Variants in ZNF652 observed in about 807,000 individuals in gnomAD.
The protein encoded by ZNF652 is zinc finger protein 652.
ZNF652 carries 16 observed loss-of-function variants against 45.2 expected under a neutral mutation model. That is an observed-to-expected ratio of 0.35 (90% CI 0.24 to 0.54). ZNF652 has a LOEUF of 0.54. ZNF652 is among the 20% of genes least tolerant of loss of function. The pLI, the probability that ZNF652 is intolerant of heterozygous loss-of-function variation, is 0.91. For synonymous variants in ZNF652, 250 were observed against 260.6 expected (o/e 0.96, Z 0.39); for missense variants, 614 against 765.6 (o/e 0.80, Z 2.34).
intron 1 of ZNF652, among the ~76,000 whole-genome samples, chr17:49,339,196 A>ATTTTTTTTTTTTTTTT (rs766243923): frequency 9.8e-6 from 1 of 101,772 alleles, no homozygotes; most frequent in Non-Finnish European, 2.0e-5. Flanking sequence ...TGAGTTAGGA[A>ATTTTTTTTTTTTTTTT]ATTTTTTTTT....
intron 5 of ZNF652, among the ~76,000 whole-genome samples, chr17:49,305,756 TAAG>T (rs1370835302): frequency 6.6e-6 from 1 of 152,004 alleles, no homozygotes; most frequent in Non-Finnish European, 1.5e-5. Context: ...GTGCCTGGTA[TAAG>T]AAGAATCAGT....
intron 3 of ZNF652, among the ~76,000 whole-genome samples, chr17:49,312,326 C>T (rs1284381057): frequency 1.3e-5 from 2 of 151,882 alleles, no homozygotes; most frequent in Non-Finnish European, 2.9e-5. Context: ...CCACCACGCC[C>T]AGCTAATTTT....
chr17:49,350,883 T>C (rs2070263747), intron 1 of ZNF652, among the ~76,000 whole-genome samples: 1 of 149,592 alleles, frequency 6.7e-6, no homozygotes. Flanking sequence ...GGTAGGAGAA[T>C]TGCTTGAACC....
intron 5 of ZNF652, among the ~76,000 whole-genome samples, chr17:49,303,629 C>T (rs761452403): frequency 6.6e-6 from 1 of 152,128 alleles, no homozygotes; most frequent in Non-Finnish European, 1.5e-5. Context: ...AGCTCCCCTG[C>T]TCTGTGACTT....
At chr17:49,340,895 T>A (rs2070138330) in intron 1 of ZNF652, among the ~76,000 whole-genome samples, 1 of 152,006 alleles carries the variant, frequency 6.6e-6, no homozygotes, top group Admixed American at 6.6e-5. Flanking sequence ...TGAGACCCTG[T>A]CTCCACAACA....
chr17:49,315,458 CTT>C (rs1377956868), intron 2 of ZNF652, among the ~76,000 whole-genome samples: 1 of 151,200 alleles, frequency 6.6e-6, no homozygotes, highest in Non-Finnish European at 1.5e-5. Context: ...ATCCACAAAA[CTT>C]AAACACAAAT....
chr17:49,302,687 T>C (rs1043794554), intron 5 of ZNF652, among the ~76,000 whole-genome samples: 4 of 151,914 alleles, frequency 2.6e-5, no homozygotes, highest in African/African-American at 9.7e-5. Flanking sequence ...TGAGGACGGG[T>C]GTGGTGGCTC....
intron 1 of ZNF652, among the ~76,000 whole-genome samples, chr17:49,341,158 C>A (rs75438007): frequency 6.6e-6 from 1 of 151,930 alleles, no homozygotes; most frequent in African/African-American, 2.4e-5. Context: ...TTGCAGTGAG[C>A]TGAGAGTCGA....
rs143343959 is a variant in ZNF652, at chr17:49,312,227, G to A, written c.1049-185C>T. On this transcript the variant is annotated intron_variant, in intron 3 of 5. Transcript: ENST00000430262. ...GTCGCACAGGCCGGAGTGCAGTGGC[G>A]CAATCTTGGCTCACTGCAACCTCTG... Among the ~76,000 whole-genome samples the A allele has an allele frequency of 9.2e-3, 1,333 of 144,866 alleles. 21 individuals are homozygous for A. The highest frequency in any genetic ancestry group is 0.032 in the African/African-American group (1,258 of 38,800).
Position 49,312,744 on chromosome 17 carries a change from A to G in ZNF652, c.1002T>C (p.Cys334=). 3 of 1,614,172 alleles carry G rather than the reference A, an allele frequency of 1.9e-6. No individual in the cohort carries two copies. Among genetic ancestry groups the G allele is most frequent in the Non-Finnish European group, 2.5e-6 (3 of 1,180,004 alleles). ...YAEKKFSCEI[C]EKKFYTMAHV... ...GAGCCATGGTATAGAATTTCTTCTC[A>G]CAAATTTCACAGGAAAATTTCTTTT... The change falls in exon 3 of 6, where the codon TGT becomes TGC. Residue 334 remains cysteine, a synonymous_variant. Coordinates refer to ENST00000430262, the MANE Select transcript of ZNF652 (RefSeq NM_001145365.3).
intron 1 of ZNF652, among the ~76,000 whole-genome samples, chr17:49,354,774 G>A (rs138208830): frequency 7.9e-5 from 12 of 151,780 alleles, no homozygotes; most frequent in African/African-American, 2.9e-4. Flanking sequence ...CACCCAGGCT[G>A]GAGTGCAGTG....
Position 49,298,482 on chromosome 17 carries a change from A to G in ZNF652, c.1752T>C (p.His584=). ...PALFKSEPLN[H]RGQSEDNFLR... Reference sequence around the variant, plus strand: ...GAAAGTTGTCCTCACTCTGGCCTCTATGATTTAAAGGCTCACTCTTAAAGA... The same window carrying G: ...GAAAGTTGTCCTCACTCTGGCCTCTGTGATTTAAAGGCTCACTCTTAAAGA... Residue 584 remains histidine, a synonymous_variant, in exon 6 of 6, where the codon CAT becomes CAC. Transcript: ENST00000430262. 6.2e-7 allele frequency: 1 copy of G among 1,612,886 alleles called. No individual in the cohort carries two copies. The highest frequency in any genetic ancestry group is 8.5e-7 in the Non-Finnish European group (1 of 1,179,938).
chr17:49,295,440 C>A lies in ZNF652; in HGVS notation c.*2973G>T, dbSNP rs972754478. On this transcript the variant is annotated 3_prime_UTR_variant, in exon 6 of 6. Transcript: ENST00000430262. Reference sequence around the variant, plus strand: ...ATAATATATATATATATTTTTGTTTCTGTTAAGGATGGTGGTATTTGCTTA... The same window carrying A: ...ATAATATATATATATATTTTTGTTTATGTTAAGGATGGTGGTATTTGCTTA... The A allele has an allele frequency of 2.0e-5, 3 of 150,756 alleles. No individual in the cohort carries two copies. The highest frequency in any genetic ancestry group is 7.3e-5 in the African/African-American group (3 of 41,236). 9.3% of individuals were successfully genotyped at this position (150,756 alleles called of 1,614,324 possible).
rs889714217 is a variant in ZNF652 at position 49,344,812 on chromosome 17, C to T, written c.-259+17097G>A. 1.5e-4 allele frequency among the ~76,000 whole-genome samples: 23 copies of T among 152,216 alleles called. No homozygotes were observed. In the East Asian group the frequency reaches 3.5e-3, roughly 23 times the overall value. ...CTTGGATTACAGGCGTGAGCCACCA[C>T]GCTGGCCCATCAAAGCAAATTTTCT... On this transcript the variant is annotated intron_variant, in intron 1 of 5. Transcript: ENST00000430262.
intron 5 of ZNF652, among the ~76,000 whole-genome samples, chr17:49,309,691 T>A (rs1235049446): frequency 2.0e-5 from 3 of 152,212 alleles, no homozygotes; most frequent in Non-Finnish European, 4.4e-5. Context: ...TGTATCCTGC[T>A]ATCCACTTGG....
At chr17:49,337,074 T>C (rs1194700982) in intron 1 of ZNF652, among the ~76,000 whole-genome samples, 1 of 150,734 alleles carries the variant, frequency 6.6e-6, no homozygotes, top group Non-Finnish European at 1.5e-5. Context: ...TGGTGGCTCA[T>C]GCCTATAATC....
rs1337244869 is a variant in ZNF652, at chr17:49,317,116, A to C, written c.610T>G (p.Ser204Ala). ...RAASVAAATTSPTPRTTRGRR... is the reference protein window; with the variant it reads ...RAASVAAATTAPTPRTTRGRR... ...CCTCTTGTAGTTCTGGGAGTAGGGGAAGTGGTAGCTGCGGCAACAGAGGCA... is the reference window on the plus strand; with the variant it reads ...CCTCTTGTAGTTCTGGGAGTAGGGGCAGTGGTAGCTGCGGCAACAGAGGCA... The change falls in exon 2 of 6, where the codon TCC (serine) becomes GCC (alanine). Residue 204 changes from serine to alanine, a missense_variant. By Grantham distance (99) the Ser-to-Ala change is moderately conservative. This residue lies in a region of ZNF652 where 262 missense variants were observed against 306.3 expected (regional missense o/e 0.86). Transcript: ENST00000430262. 2 of 1,613,802 alleles carry C rather than the reference A, an allele frequency of 1.2e-6. No homozygotes were observed. Among genetic ancestry groups the C allele is most frequent in the South Asian group, 1.1e-5 (1 of 91,060 alleles).
downstream of ZNF652, chr17:49,288,518 G>A (rs909397997): frequency 3.9e-5 from 6 of 152,168 alleles, no homozygotes; most frequent in Admixed American, 3.9e-4. Context: ...TCTTCCAGCT[G>A]ACTACAGTCA....
intron 1 of ZNF652, among the ~76,000 whole-genome samples, chr17:49,319,402 A>G (rs572393890): frequency 9.5e-4 from 145 of 152,032 alleles, no homozygotes; most frequent in Non-Finnish European, 1.8e-3. Flanking sequence ...TGGGAGGCCA[A>G]CGTAGTCGGA....
Sources: allele counts gnomAD v4.1 joint callset (sites outside exome capture counted in the v4.1 genomes callset), GRCh38; gene constraint gnomAD v4.1.1; regional missense constraint gnomAD v4.1.1; transcripts MANE v1.5; gene names NCBI Gene and HGNC (gene_info 2026-07-23, HGNC 2026-07-21).